The following MAGI3 variants were observed in gnomAD, a reference collection of about 807,000 sequenced individuals.
The protein encoded by MAGI3 is membrane associated guanylate kinase, WW and PDZ domain containing 3.
A neutral mutation model predicts 121.8 loss-of-function variants in MAGI3; 43 were observed. The ratio of observed to expected loss-of-function variants is 0.35; its 90% CI spans 0.28 to 0.46. The LOEUF (loss-of-function observed/expected upper bound fraction) is 0.46, where lower values mean the gene tolerates loss of function less well. MAGI3 is among the 20% of genes least tolerant of loss of function. MAGI3 has a pLI of 1.00. For synonymous variants in MAGI3, 553 were observed against 639.3 expected (o/e 0.86, Z 2.04); for missense variants, 1,547 against 1,797.3 (o/e 0.86, Z 2.52).
intron 2 of MAGI3, among the ~76,000 whole-genome samples, chr1:113,571,475 C>T (rs559500692): frequency 1.1e-4 from 17 of 152,246 alleles, no homozygotes; most frequent in African/African-American, 3.4e-4. Context: ...CTATAAATTA[C>T]TTTGGGCAGT....
chr1:113,518,015 C>G (rs959732230), intron 1 of MAGI3, among the ~76,000 whole-genome samples: 1 of 151,986 alleles, frequency 6.6e-6, no homozygotes, highest in African/African-American at 2.4e-5. Flanking sequence ...ACTTTTTTCT[C>G]CACTGTCATG....
Position 113,613,134 on chromosome 1 carries a change from A to G in MAGI3, c.1019-1467A>G, listed in dbSNP as rs138516485. Among the ~76,000 whole-genome samples, 221 of 152,326 alleles carry G rather than the reference A, an allele frequency of 1.5e-3. 6 individuals carry two copies. The East Asian group carries it at 0.037, about 25-fold the overall frequency. ...AACAGTTGTTTGGCGATAAAATATT[A>G]TATCTATTTGATAGATTTGCTTCAT... On this transcript the variant is annotated intron_variant, in intron 6 of 20. Transcript: ENST00000307546.
intron 2 of MAGI3, among the ~76,000 whole-genome samples, chr1:113,573,909 G>C (rs1308731951): frequency 6.6e-6 from 1 of 152,068 alleles, no homozygotes; most frequent in Non-Finnish European, 1.5e-5. Context: ...GGGATAGTTA[G>C]CTCTTGTTGC....
chr1:113,542,216 C>T (rs992457668), intron 1 of MAGI3, among the ~76,000 whole-genome samples: 1 of 151,976 alleles, frequency 6.6e-6, no homozygotes, highest in Admixed American at 6.6e-5. Flanking sequence ...ATCTAATAAC[C>T]CAGACAGCTA....
chr1:113,608,912 A>C (rs901840634), intron 6 of MAGI3, among the ~76,000 whole-genome samples: 1 of 152,160 alleles, frequency 6.6e-6, no homozygotes, highest in Non-Finnish European at 1.5e-5. Flanking sequence ...TTTATTCTCA[A>C]AAGTGGACAG....
intron 1 of MAGI3, among the ~76,000 whole-genome samples, chr1:113,475,345 C>T (rs959560172): frequency 3.3e-5 from 5 of 152,130 alleles, no homozygotes; most frequent in African/African-American, 1.2e-4. Flanking sequence ...TCCAGTTTTT[C>T]CCCATTCAGT....
chr1:113,647,961 AC>A (rs1163096641), intron 12 of MAGI3, among the ~76,000 whole-genome samples: 5 of 148,536 alleles, frequency 3.4e-5, no homozygotes, highest in Non-Finnish European at 7.4e-5. Context: ...TTGCTCTGTC[AC>A]CCGGAGCTGG....
chr1:113,488,037 A>G (rs1330712976), intron 1 of MAGI3, among the ~76,000 whole-genome samples: 1 of 152,190 alleles, frequency 6.6e-6, no homozygotes, highest in Admixed American at 6.5e-5. Flanking sequence ...GATCTTCCTT[A>G]ATTTTTTATC....
chr1:113,661,492 G>A (rs570710052), intron 16 of MAGI3, among the ~76,000 whole-genome samples: 21 of 152,248 alleles, frequency 1.4e-4, no homozygotes, highest in African/African-American at 3.9e-4. Flanking sequence ...TATGTATCTC[G>A]TCTATGAACC....
chr1:113,557,701 C>G (rs1660056604), intron 2 of MAGI3, among the ~76,000 whole-genome samples: 1 of 152,206 alleles, frequency 6.6e-6, no homozygotes, highest in Non-Finnish European at 1.5e-5. Context: ...CCCAACACAA[C>G]ACAACACAAC....
At chr1:113,633,513 G>A (rs1483205084) in intron 9 of MAGI3, among the ~76,000 whole-genome samples, 3 of 151,736 alleles carry the variant, frequency 2.0e-5, no homozygotes, top group Non-Finnish European at 4.4e-5. Context: ...CGCCCGCCTC[G>A]GCCTCCCAAA....
At chr1:113,553,037 A>T (rs965191737) in intron 2 of MAGI3, among the ~76,000 whole-genome samples, 4 of 152,200 alleles carry the variant, frequency 2.6e-5, no homozygotes, top group Admixed American at 6.5e-5. Context: ...GGGGTGCTTG[A>T]TACTTACTCC....
rs187017390 is a variant in MAGI3, at chr1:113,589,949, T to G, written c.764-535T>G. On this transcript the variant is annotated intron_variant, in intron 4 of 20. Transcript: ENST00000307546. ...ATTATTTAAAGGCCAGTGTTAAATG[T>G]GTACAAGGCAGCTTAGTATAGCAGG... 8.5e-5 allele frequency among the ~76,000 whole-genome samples: 13 copies of G among 152,258 alleles called. No individual in the cohort carries two copies. In the East Asian group the frequency reaches 2.1e-3, roughly 25 times the overall value.
intron 1 of MAGI3, among the ~76,000 whole-genome samples, chr1:113,416,344 T>C (rs1292546586): frequency 3.6e-5 from 2 of 54,868 alleles, no homozygotes; most frequent in African/African-American, 1.2e-4. Context: ...CAATCATATA[T>C]TAATTATATA....
rs35955172 is a variant in MAGI3, at chr1:113,585,502, G to A, written c.669G>A (p.Thr223=). ...EFDAESQRKR[T]TSVSKMERMD... ...ATGCAGAATCTCAAAGAAAACGAAC[G>A]ACATCTGTCAGCAAGATGGAAAGAA... is the stretch of plus-strand genomic sequence containing the variant. The change falls in exon 4 of 21, where the codon ACG becomes ACA. Residue 223 remains threonine, a synonymous_variant. Transcript: ENST00000307546. 4,913 of 1,614,008 alleles carry A rather than the reference G, an allele frequency of 3.0e-3. 140 individuals carry two copies. The African/African-American group carries it at 0.055, about 18-fold the overall frequency.
chr1:113,476,628 A>G (rs886958674), intron 1 of MAGI3, among the ~76,000 whole-genome samples: 2 of 151,994 alleles, frequency 1.3e-5, no homozygotes, highest in South Asian at 4.2e-4. Flanking sequence ...TGCTGAGGAG[A>G]GCTTTACTTC....
chr1:113,433,305 A>G lies in MAGI3; in HGVS notation c.316+41956A>G, dbSNP rs1375153038. Among the ~76,000 whole-genome samples, 6 of 152,106 alleles carry G rather than the reference A, an allele frequency of 3.9e-5. No homozygotes were observed. In the East Asian group the frequency reaches 1.2e-3, roughly 29 times the overall value. ...AAACCAGAGAGGCAACTATGATCAG[A>G]TCTCCTGCTCTGGCTGATTTTTTAT... On this transcript the variant is annotated intron_variant, in intron 1 of 20. Transcript: ENST00000307546.
At chr1:113,643,986 T>C (rs1311559898) in intron 11 of MAGI3, among the ~76,000 whole-genome samples, 2 of 152,338 alleles carry the variant, frequency 1.3e-5, no homozygotes, top group Non-Finnish European at 2.9e-5. Context: ...GTATTGCAAC[T>C]GGAGGATTAC....
intron 1 of MAGI3, among the ~76,000 whole-genome samples, chr1:113,463,367 G>T (rs1316141513): frequency 6.6e-6 from 1 of 150,578 alleles, no homozygotes; most frequent in Non-Finnish European, 1.5e-5. Context: ...CTAGATTTTA[G>T]AAATCTCATT....
Sources: allele counts gnomAD v4.1 joint callset (sites outside exome capture counted in the v4.1 genomes callset), GRCh38; gene constraint gnomAD v4.1.1; transcripts MANE v1.5; gene names NCBI Gene and HGNC (gene_info 2026-07-23, HGNC 2026-07-21).